Variants in EGFLAM observed in about 807,000 individuals in gnomAD.
The protein encoded by EGFLAM is EGF like, fibronectin type III and laminin G domains, also known as pikachurin.
A neutral mutation model predicts 113.1 loss-of-function variants in EGFLAM; 79 were observed. That is an observed-to-expected ratio of 0.70 (90% CI 0.58 to 0.84). EGFLAM has a LOEUF of 0.84. Ranked by LOEUF, EGFLAM falls within the 40% of genes least tolerant of loss-of-function variation. The pLI is 0.00. For synonymous variants in EGFLAM, 504 were observed against 487.6 expected, an observed-to-expected ratio of 1.03 and a Z score of -0.44; for missense variants, 1,265 against 1,291.6, an observed-to-expected ratio of 0.98 and a Z score of 0.32.
At chr5:38,372,948 C>G (rs1301714093) in intron 6 of EGFLAM, among the ~76,000 whole-genome samples, 1 of 152,012 alleles carries the variant, frequency 6.6e-6, no homozygotes, top group Non-Finnish European at 1.5e-5. Flanking sequence ...ACATGATTTT[C>G]CCATACATAA....
intron 20 of EGFLAM, among the ~76,000 whole-genome samples, chr5:38,459,184 G>C (rs959030881): frequency 6.6e-6 from 1 of 152,038 alleles, no homozygotes; most frequent in African/African-American, 2.4e-5. Context: ...GGGACCACAG[G>C]TGTGCACCAT....
At chr5:38,371,343 C>G (rs1740206969) in intron 6 of EGFLAM, among the ~76,000 whole-genome samples, 1 of 152,106 alleles carries the variant, frequency 6.6e-6, no homozygotes, top group African/African-American at 2.4e-5. Context: ...GGAAGCAGCA[C>G]TGGTAACTGG....
chr5:38,378,894 G>A (rs1286224377), intron 6 of EGFLAM, among the ~76,000 whole-genome samples: 3 of 152,162 alleles, frequency 2.0e-5, no homozygotes, highest in African/African-American at 7.2e-5. Flanking sequence ...GTGGAACAGA[G>A]GTTAAGGTAT....
chr5:38,462,941 C>T lies in EGFLAM; in HGVS notation c.2805C>T (p.Asp935=), dbSNP rs750381529. The change falls in exon 21 of 22, where the codon GAC becomes GAT. Residue 935 remains aspartate, a synonymous_variant. Transcript: ENST00000322350. ...AGTCAGGAAAGATAACCGTGGATGA[C>T]TATGGAGCCAGAACAGGCAAATCCC... ...DGQSGKITVD[D]YGARTGKSPG... is the part of the protein sequence containing the mutation. 218 of 1,614,024 alleles carry T rather than the reference C, an allele frequency of 1.4e-4. No individual in the cohort carries two copies. Among genetic ancestry groups the T allele is most frequent in the Non-Finnish European group, 1.7e-4 (199 of 1,180,022 alleles).
At chr5:38,449,311 CT>C (rs1187739833) in intron 18 of EGFLAM, among the ~76,000 whole-genome samples, 1 of 152,182 alleles carries the variant, frequency 6.6e-6, no homozygotes, top group African/African-American at 2.4e-5. Context: ...AGGAATTCTC[CT>C]AGGGCATTGG....
At chr5:38,269,183 A>C (rs139169556) in intron 1 of EGFLAM, among the ~76,000 whole-genome samples, 1 of 152,238 alleles carries the variant, frequency 6.6e-6, no homozygotes, top group Non-Finnish European at 1.5e-5. Flanking sequence ...CTGCATCAAC[A>C]GCAACAACAA....
intron 1 of EGFLAM, among the ~76,000 whole-genome samples, chr5:38,335,786 T>A (rs1739167123): frequency 6.6e-6 from 1 of 152,200 alleles, no homozygotes; most frequent in Non-Finnish European, 1.5e-5. Context: ...TGGGTTCTGT[T>A]ATTAAAAACA....
At chr5:38,348,369 T>A (rs1739528745) in intron 3 of EGFLAM, among the ~76,000 whole-genome samples, 1 of 151,780 alleles carries the variant, frequency 6.6e-6, no homozygotes, top group Non-Finnish European at 1.5e-5. Flanking sequence ...GAAAGACCAA[T>A]CCTTAGACGT....
chr5:38,373,641 A>G (rs1740285863), intron 6 of EGFLAM, among the ~76,000 whole-genome samples: 2 of 151,998 alleles, frequency 1.3e-5, no homozygotes, highest in African/African-American at 4.8e-5. Flanking sequence ...TATATACCAC[A>G]TTTTCTTTAT....
chr5:38,259,102 C>T (rs1757434295), intron 1 of EGFLAM, among the ~76,000 whole-genome samples: 2 of 152,220 alleles, frequency 1.3e-5, no homozygotes, highest in South Asian at 4.1e-4. Context: ...TGGTGGTCCC[C>T]GTGTTTGACC....
chr5:38,297,811 C>A (rs1206702099), intron 1 of EGFLAM, among the ~76,000 whole-genome samples: 10 of 152,190 alleles, frequency 6.6e-5, no homozygotes, highest in Non-Finnish European at 5.9e-5. Flanking sequence ...CCAGTAATTT[C>A]TCAGCTCTGA....
intron 1 of EGFLAM, among the ~76,000 whole-genome samples, chr5:38,269,551 G>A (rs752170024): frequency 4.0e-5 from 6 of 150,070 alleles, no homozygotes; most frequent in African/African-American, 9.8e-5. Flanking sequence ...GTGCAGTGGC[G>A]CAATCTCGGC....
chr5:38,441,874 A>G (rs1742546559), intron 17 of EGFLAM, among the ~76,000 whole-genome samples: 1 of 152,152 alleles, frequency 6.6e-6, no homozygotes, highest in African/African-American at 2.4e-5. Context: ...GCTTCAATTC[A>G]GACTGTGCAG....
chr5:38,378,929 G>C (rs1277033239), intron 6 of EGFLAM, among the ~76,000 whole-genome samples: 1 of 152,208 alleles, frequency 6.6e-6, no homozygotes, highest in African/African-American at 2.4e-5. Context: ...AGATGAAGGA[G>C]ATGTTAATAG....
chr5:38,383,414 CTTT>C (rs78824068), intron 6 of EGFLAM, among the ~76,000 whole-genome samples: 2 of 135,016 alleles, frequency 1.5e-5, no homozygotes, highest in Non-Finnish European at 1.6e-5. Context: ...TTTGTCAGGC[CTTT>C]TTTTTTTTTT....
At chr5:38,403,639 G>A (rs962856666) in intron 6 of EGFLAM, 2 of 766,698 alleles carry the variant, frequency 2.6e-6, no homozygotes, top group African/African-American at 1.8e-5. Context: ...ATGGAGCAGG[G>A]CAGTGTGCTA....
At chr5:38,368,110 A>T (rs553980514) in intron 5 of EGFLAM, among the ~76,000 whole-genome samples, 18 of 152,322 alleles carry the variant, frequency 1.2e-4, no homozygotes, top group African/African-American at 4.3e-4. Context: ...TATTTCCTCT[A>T]TAAATATCAC....
chr5:38,400,588 G>A (rs752883396), intron 6 of EGFLAM, among the ~76,000 whole-genome samples: 1 of 152,198 alleles, frequency 6.6e-6, no homozygotes, highest in African/African-American at 2.4e-5. Flanking sequence ...GGGATCTGAG[G>A]TGGCGGGGCA....
chr5:38,347,104 G>A (rs1739492276), intron 3 of EGFLAM, among the ~76,000 whole-genome samples: 1 of 152,162 alleles, frequency 6.6e-6, no homozygotes, highest in African/African-American at 2.4e-5. Context: ...GGGCAGGAGA[G>A]TCAGTCCTGT....
Sources: gnomAD v4.1 joint callset for allele counts (sites outside exome capture counted in the v4.1 genomes callset) on GRCh38, gnomAD v4.1.1 for gene constraint, MANE v1.5 for transcripts, NCBI Gene and HGNC (gene_info 2026-07-23, HGNC 2026-07-21) for gene names.